Variants in SPNS3 observed in about 807,000 individuals in gnomAD.
SPNS3 encodes the protein protein spinster homolog 3.
A neutral mutation model predicts 54.4 loss-of-function variants in SPNS3; 51 were observed. The ratio of observed to expected loss-of-function variants is 0.94; its 90% CI spans 0.75 to 1.18. SPNS3 has a LOEUF of 1.18. Among genes scored for constraint, SPNS3 ranks in the 50% most tolerant of loss-of-function variants. SPNS3 has a pLI of 0.00. For missense variants in SPNS3, 669 were observed against 677.4 expected (o/e 0.99, Z 0.14); for synonymous variants, 309 against 294.7 (o/e 1.05, Z -0.50).
chr17:4,456,112 A>C (rs2326061), intron 8 of SPNS3, among the ~76,000 whole-genome samples: 35,671 of 151,834 alleles, frequency 0.23, 5,310 homozygotes, highest in African/African-American at 0.42. Flanking sequence ...CCACCACACC[A>C]GGCTAATTTT....
chr17:4,471,565 A>C (rs1292459783), intron 8 of SPNS3, among the ~76,000 whole-genome samples: 2 of 152,032 alleles, frequency 1.3e-5, no homozygotes, highest in African/African-American at 4.8e-5. Context: ...TCCTGGGCTC[A>C]AGTGATCCTC....
chr17:4,456,549 G>A lies in SPNS3; in HGVS notation c.1113+3344G>A, dbSNP rs186351857. Among the ~76,000 whole-genome samples the A allele has an allele frequency of 3.9e-5, 6 of 151,970 alleles. No homozygotes were observed. The East Asian group carries it at 5.8e-4, about 15-fold the overall frequency. ...TTATTTTATTTTATTTTTTTGAGAC[G>A]GAGTCTCTCTCTATTGCCCAGGCTG... On this transcript the variant is annotated intron_variant, in intron 8 of 11. Coordinates refer to ENST00000355530, the MANE Select transcript of SPNS3 (RefSeq NM_182538.5).
chr17:4,451,807 T>C (rs1971173058), intron 7 of SPNS3, among the ~76,000 whole-genome samples: 1 of 151,822 alleles, frequency 6.6e-6, no homozygotes, highest in East Asian at 2.0e-4. Context: ...GGGCTGGGAT[T>C]ACAGGTGCCC....
intron 8 of SPNS3, among the ~76,000 whole-genome samples, chr17:4,461,052 T>G (rs1480425158): frequency 6.6e-6 from 1 of 152,204 alleles, no homozygotes; most frequent in African/African-American, 2.4e-5. Context: ...TCAAATTTTC[T>G]ATTTCTTCTT....
intron 6 of SPNS3, 146 bp downstream of exon 6, chr17:4,448,449 C>G: frequency 1.3e-6 from 1 of 752,434 alleles, no homozygotes; most frequent in Non-Finnish European, 2.0e-6. Context: ...ATCGCACTTA[C>G]CAACTGAAGT....
At chr17:4,481,172 C>T (rs146777859) in intron 9 of SPNS3, among the ~76,000 whole-genome samples, 1 of 151,688 alleles carries the variant, frequency 6.6e-6, no homozygotes. Flanking sequence ...CATTGCTTTT[C>T]AAGAGGGGAG....
intron 8 of SPNS3, among the ~76,000 whole-genome samples, chr17:4,475,232 A>G (rs527653153): frequency 5.3e-5 from 8 of 152,132 alleles, no homozygotes; most frequent in Non-Finnish European, 1.0e-4. Flanking sequence ...CCCAGGCCCT[A>G]TCTCCCAGAG....
At chr17:4,435,371 GAGATCCCACCATTGAGCCA>G (rs1287632763) in intron 1 of SPNS3, among the ~76,000 whole-genome samples, 1 of 149,316 alleles carries the variant, frequency 6.7e-6, no homozygotes, top group East Asian at 2.0e-4. Context: ...GCAGTGAGCC[GAGATCCCACCATTGAGCCA>G]AGATCCCACC....
chr17:4,449,850 G>A (rs955065481), intron 7 of SPNS3, among the ~76,000 whole-genome samples: 6 of 152,118 alleles, frequency 3.9e-5, no homozygotes, highest in South Asian at 2.1e-4. Context: ...GAAGGCTGCC[G>A]GGAGGGGAGG....
At chr17:4,453,297 C>A in intron 8 of SPNS3, 92 bp downstream of exon 8, 1 of 1,221,428 alleles carries the variant, frequency 8.2e-7, no homozygotes, top group Non-Finnish European at 1.1e-6. Context: ...CCTTTATGTA[C>A]AATTATGTTG....
intron 1 of SPNS3, among the ~76,000 whole-genome samples, chr17:4,435,620 C>A (rs1249833380): frequency 6.6e-6 from 1 of 151,932 alleles, no homozygotes; most frequent in Non-Finnish European, 1.5e-5. Context: ...TAGCCTGGGC[C>A]AGACAAGAAT....
chr17:4,448,116 A>G, intron 5 of SPNS3, 39 bp from the exon 6 acceptor site: 1 of 1,534,962 alleles, frequency 6.5e-7, no homozygotes, highest in Non-Finnish European at 8.7e-7. Flanking sequence ...GGCTGTGATA[A>G]TATGCGGCCC....
chr17:4,446,333 C>A, intron 4 of SPNS3, 134 bp downstream of exon 4: 1 of 973,614 alleles, frequency 1.0e-6, no homozygotes, highest in Non-Finnish European at 1.5e-6. Flanking sequence ...ACCCCTCCCT[C>A]ACCATGTGAG....
intron 8 of SPNS3, among the ~76,000 whole-genome samples, chr17:4,459,734 C>A (rs571928462): frequency 1.3e-5 from 2 of 152,162 alleles, no homozygotes; most frequent in South Asian, 4.1e-4. Context: ...ATAAATAAAC[C>A]AATGCCGTAG....
At position 4,446,929 on chromosome 17, in the gene SPNS3, G is replaced by A. The variant is rs375079167; in HGVS notation, c.588G>A (p.Thr196=). 40 of 1,614,018 alleles carry A rather than the reference G, an allele frequency of 2.5e-5. No homozygotes were observed. In the African/African-American group the frequency reaches 4.4e-4, roughly 18 times the overall value. The change falls in exon 5 of 12, where the codon ACG becomes ACA. Residue 196 remains threonine (T), a synonymous_variant. Transcript: ENST00000355530. ...GCTACGTGCTGGGGTCGGCTGTGAC[G>A]ATGCTGACTGGGAACTGGCGCTGGG... ...GLGYVLGSAV[T]MLTGNWRWAL...
Position 4,487,896 on chromosome 17 carries a change from G to T in SPNS3, c.*2G>T. ...GGCGCCTCTACAGAGGAGCCCTGAG[G>T]TCCCTGCCTACACTCGTCCTGCCTG... On this transcript the variant is annotated 3_prime_UTR_variant, in exon 12 of 12. Coordinates refer to ENST00000355530, the MANE Select transcript of SPNS3 (RefSeq NM_182538.5). The T allele has an allele frequency of 1.2e-6, 2 of 1,613,518 alleles. No homozygotes were observed. The highest frequency in any genetic ancestry group is 2.2e-5 in the East Asian group (1 of 44,890).
At chr17:4,460,959 C>T (rs1971482297) in intron 8 of SPNS3, among the ~76,000 whole-genome samples, 2 of 152,058 alleles carry the variant, frequency 1.3e-5, no homozygotes, top group Admixed American at 6.6e-5. Context: ...GAAGAAGTCA[C>T]CAGCGAAGCC....
intron 9 of SPNS3, among the ~76,000 whole-genome samples, chr17:4,481,625 C>T (rs1028561162): frequency 3.3e-5 from 5 of 152,138 alleles, no homozygotes; most frequent in South Asian, 2.1e-4. Context: ...AGCCCAGGCT[C>T]GAGGACTCTG....
At chr17:4,450,158 A>G (rs1464113730) in intron 7 of SPNS3, among the ~76,000 whole-genome samples, 2 of 150,258 alleles carry the variant, frequency 1.3e-5, no homozygotes, top group Admixed American at 6.6e-5. Flanking sequence ...TGGGGATGCT[A>G]TCTTCTTCCC....
Sources: gnomAD v4.1 joint callset for allele counts (sites outside exome capture counted in the v4.1 genomes callset) on GRCh38, gnomAD v4.1.1 for gene constraint, MANE v1.5 for transcripts, NCBI Gene and HGNC (gene_info 2026-07-23, HGNC 2026-07-21) for gene names.